The following SNAPC3 variants were observed in gnomAD, a reference collection of about 807,000 sequenced individuals.
SNAPC3 encodes the protein snRNA-activating protein complex subunit 3.
In SNAPC3, 56 loss-of-function variants were observed where a neutral mutation model predicts 47.7. The ratio of observed to expected loss-of-function variants is 1.18; its 90% CI spans 0.95 to 1.47. The LOEUF (loss-of-function observed/expected upper bound fraction) is 1.47. Among genes scored for constraint, SNAPC3 ranks in the 40% most tolerant of loss-of-function variants. The probability of loss-of-function intolerance (pLI) is 0.00; values close to 1 mark genes in which losing one functional copy is unlikely to be tolerated. For missense variants in SNAPC3, 665 were observed against 511.3 expected (o/e 1.30, Z -2.90); for synonymous variants, 235 against 189.9 (o/e 1.24, Z -1.95).
intron 2 of SNAPC3, among the ~76,000 whole-genome samples, chr9:15,429,252 T>G (rs767530018): frequency 5.9e-5 from 9 of 152,202 alleles, no homozygotes; most frequent in Non-Finnish European, 7.3e-5. Flanking sequence ...TAACTGAATG[T>G]TCTCAAATGT....
intron 6 of SNAPC3, 78 bp downstream of exon 6, chr9:15,451,480 A>C (rs1194032520): frequency 3.4e-6 from 2 of 592,846 alleles, no homozygotes; most frequent in African/African-American, 3.7e-5. Context: ...AAATCCTATT[A>C]TTGGCCTATT....
intron 3 of SNAPC3, among the ~76,000 whole-genome samples, chr9:15,442,419 C>T (rs551481799): frequency 0.011 from 1,637 of 150,842 alleles, 13 homozygotes; most frequent in African/African-American, 0.038. Context: ...CCAGACGGGG[C>T]GGCTGCCGGG....
chr9:15,460,500 C>T lies in SNAPC3; in HGVS notation c.*634C>T, dbSNP rs1380225029. ...CCGCCTCCCGGATTCAAGTGATTCT[C>T]CTGCCACAGCCTCCTGAGTAGCTGG... On this transcript the variant is annotated 3_prime_UTR_variant, in exon 9 of 9. Coordinates refer to ENST00000380821, the MANE Select transcript of SNAPC3 (RefSeq NM_001039697.2). 3 of 152,264 alleles carry T rather than the reference C, an allele frequency of 2.0e-5. No individual in the cohort carries two copies. The highest frequency in any genetic ancestry group is 2.9e-5 in the Non-Finnish European group (2 of 68,078). 9.4% of individuals were successfully genotyped at this position (152,264 alleles called of 1,614,324 possible). A position where few individuals can be genotyped will look rare whatever the true frequency, so the allele number is the denominator to read the frequency against.
downstream of SNAPC3, chr9:15,465,733 T>C (rs2035579972): frequency 1.7e-6 from 1 of 573,506 alleles, no homozygotes. Flanking sequence ...GAACAGTCAT[T>C]ATTATTTTTT....
chr9:15,451,213 C>G, intron 5 of SNAPC3, 107 bp from the exon 6 acceptor site: 1 of 439,252 alleles, frequency 2.3e-6, no homozygotes, highest in Non-Finnish European at 4.0e-6. Flanking sequence ...AGTTTTTTAA[C>G]ACATATTAGT....
intron 2 of SNAPC3, chr9:15,431,850 G>A (rs2032191505): frequency 6.7e-6 from 1 of 150,340 alleles, no homozygotes. Flanking sequence ...AAAAGGGTGG[G>A]GAAGAAAGAA....
At chr9:15,423,530 A>G (rs1180003861) in intron 1 of SNAPC3, among the ~76,000 whole-genome samples, 2 of 152,188 alleles carry the variant, frequency 1.3e-5, no homozygotes, top group African/African-American at 2.4e-5. Context: ...CACTTTGACA[A>G]TGGAGGAACC....
chr9:15,424,110 T>C lies in SNAPC3; in HGVS notation c.392+124T>C, dbSNP rs528522969. The stretch of plus-strand genomic sequence containing the variant: ...CCCACCCCTTAAATTCAGCTGTTCT[T>C]AATATTTGACCATATTTACTTTAGC... On this transcript the variant is annotated intron_variant, in intron 2 of 8. Coordinates refer to ENST00000380821, the MANE Select transcript of SNAPC3 (RefSeq NM_001039697.2). 2.3e-5 allele frequency: 11 copies of C among 481,862 alleles called. No individual in the cohort carries two copies. In the Admixed American group the frequency reaches 3.9e-4, roughly 17 times the overall value. The allele number at this position is 481,862 out of a possible 1,614,324, so 29.8% of individuals were successfully genotyped here.
At chr9:15,452,089 A>G (rs1166838750) in intron 6 of SNAPC3, among the ~76,000 whole-genome samples, 1 of 152,058 alleles carries the variant, frequency 6.6e-6, no homozygotes, top group African/African-American at 2.4e-5. Context: ...CAGCCTGCCA[A>G]GTAGCTGGGA....
chr9:15,431,399 T>A (rs2032128756), intron 2 of SNAPC3, among the ~76,000 whole-genome samples: 1 of 152,236 alleles, frequency 6.6e-6, no homozygotes, highest in African/African-American at 2.4e-5. Context: ...TGTTCCCTTT[T>A]ACTGCTTCCT....
intron 5 of SNAPC3, among the ~76,000 whole-genome samples, chr9:15,449,644 C>T (rs1329403068): frequency 7.0e-6 from 1 of 141,954 alleles, no homozygotes; most frequent in African/African-American, 2.6e-5. Context: ...CGTCTCGGCT[C>T]ACTGCAACCT....
Position 15,422,963 on chromosome 9 carries a change from C to A in SNAPC3, c.84C>A (p.Asn28Lys), listed in dbSNP as rs1223634059. The change falls in exon 1 of 9, where the codon AAC (asparagine) becomes AAA (lysine). Residue 28 changes from asparagine to lysine, a missense_variant. Coordinates refer to ENST00000380821, the MANE Select transcript of SNAPC3 (RefSeq NM_001039697.2). The stretch of plus-strand genomic sequence containing the variant: ...CAGTCTCCGGCAGTGGCGGCTGCAA[C>A]TTTCCAGAGTATGAGCTTCCCGAGC... ...QDPVSGSGGC[N>K]FPEYELPELN... 1.3e-6 allele frequency: 2 copies of A among 1,538,844 alleles called. No individual in the cohort carries two copies. The highest frequency in any genetic ancestry group is 2.8e-5 in the African/African-American group (2 of 70,944).
intron 2 of SNAPC3, among the ~76,000 whole-genome samples, chr9:15,432,750 T>G (rs2032325027): frequency 6.6e-6 from 1 of 152,152 alleles, no homozygotes; most frequent in South Asian, 2.1e-4. Flanking sequence ...TGAATAAATG[T>G]AGAAGATCCA....
At chr9:15,465,609 G>C (rs1193287097), downstream of SNAPC3, 2 of 1,511,006 alleles carry the variant, frequency 1.3e-6, no homozygotes, top group East Asian at 2.3e-5. Flanking sequence ...GGTACAACTG[G>C]AATTAGGATT....
chr9:15,457,842 G>C (rs550515690), intron 7 of SNAPC3, 118 bp from the exon 8 acceptor site: 8 of 643,724 alleles, frequency 1.2e-5, no homozygotes, highest in South Asian at 6.2e-5. Flanking sequence ...CATCTTGTAA[G>C]CAAAAATTGA....
chr9:15,442,944 A>C (rs1424239367), intron 3 of SNAPC3, among the ~76,000 whole-genome samples: 1 of 152,262 alleles, frequency 6.6e-6, no homozygotes, highest in Admixed American at 6.5e-5. Flanking sequence ...TGAGGCTGGC[A>C]GATCACTCGC....
chr9:15,453,683 A>G (rs998856750), intron 7 of SNAPC3: 1 of 152,444 alleles, frequency 6.6e-6, no homozygotes, highest in African/African-American at 2.4e-5. Context: ...ATAGTCTAAA[A>G]TAAGACTTAG....
chr9:15,443,610 A>C (rs2033688534), intron 3 of SNAPC3, among the ~76,000 whole-genome samples: 1 of 152,178 alleles, frequency 6.6e-6, no homozygotes, highest in Non-Finnish European at 1.5e-5. Context: ...CTTGTCTGTA[A>C]GTCTTCCAAT....
Position 15,451,325 on chromosome 9 carries a change from A to C in SNAPC3, c.738A>C (p.Leu246=). 7.1e-7 allele frequency: 1 copy of C among 1,411,012 alleles called. No individual in the cohort carries two copies. Among genetic ancestry groups the C allele is most frequent in the Non-Finnish European group, 9.9e-7 (1 of 1,011,262 alleles). The allele number at this position is 1,411,012 out of a possible 1,614,324, so 87.4% of individuals were successfully genotyped here. The change falls in exon 6 of 9, where the codon CTA becomes CTC. Residue 246 remains leucine, a synonymous_variant. Coordinates refer to ENST00000380821, the MANE Select transcript of SNAPC3 (RefSeq NM_001039697.2). ...TACAATCTGTTTTCTTGTAGGACCT[A>C]TACAAATCAGCCTTCTTTTATTTTG... ...DQAPEHISKD[L]YKSAFFYFEG... is the part of the protein sequence containing the mutation.
Sources: gnomAD v4.1 joint callset for allele counts (sites outside exome capture counted in the v4.1 genomes callset) on GRCh38, gnomAD v4.1.1 for gene constraint, MANE v1.5 for transcripts, NCBI Gene and HGNC (gene_info 2026-07-23, HGNC 2026-07-21) for gene names.